The following NKAIN2 variants were observed in gnomAD, a reference collection of about 807,000 sequenced individuals.
The protein encoded by NKAIN2 is sodium/potassium-transporting ATPase subunit beta-1-interacting protein 2.
Under a neutral mutation model 32.6 loss-of-function variants are expected in NKAIN2, and 14 were observed. The ratio of observed to expected loss-of-function variants is 0.43; its 90% CI spans 0.28 to 0.67. The LOEUF is 0.67. Among genes scored for constraint, NKAIN2 ranks in the 30% least tolerant of loss-of-function variants. The pLI, the probability that NKAIN2 is intolerant of heterozygous loss-of-function variation, is 0.17. For synonymous variants in NKAIN2, 80 were observed against 87.2 expected (o/e 0.92, Z 0.46); for missense variants, 198 against 258.3 (o/e 0.77, Z 1.60).
intron 1 of NKAIN2, among the ~76,000 whole-genome samples, chr6:124,054,892 A>G (rs1782578926): frequency 6.6e-6 from 1 of 152,074 alleles, no homozygotes; most frequent in Non-Finnish European, 1.5e-5. Flanking sequence ...CAAAGGTTCT[A>G]TCACTTATGA....
chr6:123,817,390 T>C (rs913128027), intron 1 of NKAIN2, among the ~76,000 whole-genome samples: 1 of 152,098 alleles, frequency 6.6e-6, no homozygotes, highest in Non-Finnish European at 1.5e-5. Flanking sequence ...GATTGCAAAA[T>C]AGTCCCTTTG....
chr6:124,699,309 A>G (rs898122271), intron 4 of NKAIN2, among the ~76,000 whole-genome samples: 8 of 152,148 alleles, frequency 5.3e-5, no homozygotes, highest in Non-Finnish European at 5.9e-5. Flanking sequence ...GCCCTGCCAT[A>G]TACTTCAGCT....
chr6:124,717,244 A>G (rs1188807150), intron 4 of NKAIN2, among the ~76,000 whole-genome samples: 1 of 152,226 alleles, frequency 6.6e-6, no homozygotes, highest in Non-Finnish European at 1.5e-5. Flanking sequence ...TTGTAGCACT[A>G]TTAAGTGTTA....
At position 124,418,876 on chromosome 6, in the gene NKAIN2, C is replaced by T. The variant is rs1010831212; in HGVS notation, c.273+63529C>T. Reference sequence around the variant, plus strand: ...ACTAGTGTTCAATCTTTTGCATATGCGAATGATTCTCATTACACACAGTCT... The same window carrying T: ...ACTAGTGTTCAATCTTTTGCATATGTGAATGATTCTCATTACACACAGTCT... On this transcript the variant is annotated intron_variant, in intron 3 of 6. Coordinates refer to ENST00000368417, the MANE Select transcript of NKAIN2 (RefSeq NM_001040214.3). Among the ~76,000 whole-genome samples, 3 of 151,950 alleles carry T rather than the reference C, an allele frequency of 2.0e-5. No individual in the cohort carries two copies. The South Asian group carries it at 6.2e-4, about 32-fold the overall frequency.
At chr6:124,751,552 T>A (rs902062094) in intron 4 of NKAIN2, among the ~76,000 whole-genome samples, 6 of 151,874 alleles carry the variant, frequency 4.0e-5, no homozygotes, top group Non-Finnish European at 8.8e-5. Context: ...GAGGAAATTA[T>A]TTAAAGGAAT....
intron 1 of NKAIN2, chr6:123,828,884 G>A (rs1458550077): frequency 1.3e-5 from 2 of 152,064 alleles, no homozygotes; most frequent in Non-Finnish European, 2.9e-5. Flanking sequence ...CTGACCTTCA[G>A]GCCAGATCAG....
At chr6:124,449,292 G>A (rs1776009827) in intron 3 of NKAIN2, among the ~76,000 whole-genome samples, 1 of 151,940 alleles carries the variant, frequency 6.6e-6, no homozygotes, top group African/African-American at 2.4e-5. Context: ...TGTAATGGCT[G>A]CATTTGGGGA....
At chr6:124,192,668 G>A (rs1449790178) in intron 1 of NKAIN2, among the ~76,000 whole-genome samples, 1 of 142,522 alleles carries the variant, frequency 7.0e-6, no homozygotes, top group Non-Finnish European at 1.5e-5. Context: ...TTGGTTACAT[G>A]TTCTGTAATG....
At chr6:123,826,228 A>G (rs1466012648) in intron 1 of NKAIN2, among the ~76,000 whole-genome samples, 1 of 152,194 alleles carries the variant, frequency 6.6e-6, no homozygotes, top group East Asian at 1.9e-4. Context: ...AATGGCCAAA[A>G]GAAATCTGAA....
chr6:124,581,589 G>A (rs1228200074), intron 3 of NKAIN2, among the ~76,000 whole-genome samples: 1 of 151,974 alleles, frequency 6.6e-6, no homozygotes, highest in Non-Finnish European at 1.5e-5. Context: ...CCATTCTCAA[G>A]GATATACCAT....
At chr6:124,410,675 GA>G (rs1167318868) in intron 3 of NKAIN2, among the ~76,000 whole-genome samples, 2 of 152,156 alleles carry the variant, frequency 1.3e-5, no homozygotes, top group African/African-American at 4.8e-5. Context: ...ATATTCTATT[GA>G]TTTGGGGTGG....
intron 1 of NKAIN2, among the ~76,000 whole-genome samples, chr6:124,229,596 T>C (rs1358748733): frequency 6.6e-6 from 1 of 152,000 alleles, no homozygotes; most frequent in Non-Finnish European, 1.5e-5. Context: ...CAAATCTCAG[T>C]TTGAATTCTA....
intron 1 of NKAIN2, among the ~76,000 whole-genome samples, chr6:124,067,682 C>T (rs1190702238): frequency 6.6e-6 from 1 of 152,126 alleles, no homozygotes; most frequent in Non-Finnish European, 1.5e-5. Context: ...AGTGGTAAAA[C>T]ATCAGTATGA....
chr6:124,411,077 C>T (rs1774150581), intron 3 of NKAIN2, among the ~76,000 whole-genome samples: 1 of 151,898 alleles, frequency 6.6e-6, no homozygotes, highest in Non-Finnish European at 1.5e-5. Flanking sequence ...ATGTGTGTCT[C>T]TGCACGTGAG....
At chr6:124,024,089 A>G (rs1279540215) in intron 1 of NKAIN2, among the ~76,000 whole-genome samples, 1 of 152,168 alleles carries the variant, frequency 6.6e-6, no homozygotes, top group Non-Finnish European at 1.5e-5. Context: ...TTTGTTAGTT[A>G]AGAAACTATA....
chr6:124,283,017 G>C lies in NKAIN2; in HGVS notation c.67G>C (p.Glu23Gln), dbSNP rs1238397577. 6.2e-7 allele frequency: 1 copy of C among 1,613,832 alleles called. No homozygotes were observed. Among genetic ancestry groups the C allele is most frequent in the Admixed American group, 1.7e-5 (1 of 60,018 alleles). Residue 23 changes from glutamate to glutamine, a missense_variant, in exon 2 of 7, where the codon GAG (glutamate) becomes CAG (glutamine). By Grantham distance (29) the Glu-to-Gln change is conservative (BLOSUM62 2). Transcript: ENST00000368417. ...ICGMQLVCVLERQIFDFLGYQ... is the reference protein window; with the variant it reads ...ICGMQLVCVLQRQIFDFLGYQ... Reference sequence around the variant, plus strand: ...TTTGCTATTCTAGGTTTGTGTGCTGGAGAGGCAAATATTTGACTTCCTTGG... The same window carrying C: ...TTTGCTATTCTAGGTTTGTGTGCTGCAGAGGCAAATATTTGACTTCCTTGG...
At chr6:124,505,276 CTCCTT>C (rs1317424748) in intron 3 of NKAIN2, among the ~76,000 whole-genome samples, 1 of 152,190 alleles carries the variant, frequency 6.6e-6, no homozygotes, top group African/African-American at 2.4e-5. Context: ...GCAGAATACT[CTCCTT>C]TATATCACTT....
At chr6:124,184,047 C>G (rs1160657295) in intron 1 of NKAIN2, among the ~76,000 whole-genome samples, 1 of 152,048 alleles carries the variant, frequency 6.6e-6, no homozygotes, top group Non-Finnish European at 1.5e-5. Context: ...AAGAAATGGC[C>G]AGATGCTCAC....
chr6:124,029,330 A>G (rs2114782252), intron 1 of NKAIN2, among the ~76,000 whole-genome samples: 1 of 152,066 alleles, frequency 6.6e-6, no homozygotes, highest in Middle Eastern at 3.4e-3. Context: ...TCATACACTT[A>G]CAATCCTTCT....
Sources: allele counts gnomAD v4.1 joint callset (sites outside exome capture counted in the v4.1 genomes callset), GRCh38; gene constraint gnomAD v4.1.1; transcripts MANE v1.5; gene names NCBI Gene and HGNC (gene_info 2026-07-23, HGNC 2026-07-21).